HAND2: variants seen among roughly 807,000 people sequenced by gnomAD.
The protein encoded by HAND2 is heart and neural crest derivatives expressed 2.
In HAND2, 2 loss-of-function variants were observed where a neutral mutation model predicts 14.7. That is an observed-to-expected ratio of 0.14 (90% CI 0.06 to 0.43). HAND2 has a LOEUF of 0.43. HAND2 is among the 20% of genes least tolerant of loss of function. The pLI, the probability that HAND2 is intolerant of heterozygous loss-of-function variation, is 0.99. For missense variants in HAND2, 275 were observed against 313.6 expected (o/e 0.88, Z 0.93); for synonymous variants, 162 against 135.9 (o/e 1.19, Z -1.34).
In HAND2 at chr4:173,526,902, G is replaced by A. The variant is rs577670901; in HGVS notation, c.*375C>T. ...CTTCACAAACGCACTAGTGCCCACTGTCTTTATCTGGAAGGGGTTGAGTAG... is the reference window on the plus strand; with the variant it reads ...CTTCACAAACGCACTAGTGCCCACTATCTTTATCTGGAAGGGGTTGAGTAG... On this transcript the variant is annotated 3_prime_UTR_variant, in exon 2 of 2. Coordinates refer to ENST00000359562, the MANE Select transcript of HAND2 (RefSeq NM_021973.3). The A allele has an allele frequency of 9.6e-5, 47 of 489,236 alleles. No homozygotes were observed. Among genetic ancestry groups the A allele is most frequent in the African/African-American group, 7.4e-4 (38 of 51,674 alleles). 30.3% of individuals were successfully genotyped at this position (489,236 alleles called of 1,614,324 possible).
chr4:173,527,020 G>A lies in HAND2; in HGVS notation c.*257C>T, dbSNP rs375061640. 9.3e-6 allele frequency: 6 copies of A among 647,406 alleles called. No individual in the cohort carries two copies. Among genetic ancestry groups the A allele is most frequent in the African/African-American group, 5.3e-5 (3 of 56,230 alleles). The allele number at this position is 647,406 out of a possible 1,614,324, so 40.1% of individuals were successfully genotyped here. On this transcript the variant is annotated 3_prime_UTR_variant, in exon 2 of 2. Coordinates refer to ENST00000359562, the MANE Select transcript of HAND2 (RefSeq NM_021973.3). ...GACGACGGGATCCCTTACCACACGGGAGTGTCCTCTTCGTATTAAAATATG... is the reference window on the plus strand; with the variant it reads ...GACGACGGGATCCCTTACCACACGGAAGTGTCCTCTTCGTATTAAAATATG...
At chr4:173,527,539 T>G in intron 1 of HAND2, 164 bp from the exon 2 acceptor site, 2 of 681,718 alleles carry the variant, frequency 2.9e-6, no homozygotes, top group Non-Finnish European at 5.3e-6. Flanking sequence ...CTACCAAGGT[T>G]AGCGCTACCC....
chr4:173,528,524 TC>T lies in HAND2; in HGVS notation c.555+210del. 1 of 615,172 alleles carries T rather than the reference TC, an allele frequency of 1.6e-6. No homozygotes were observed. Among genetic ancestry groups the T allele is most frequent in the Non-Finnish European group, 2.9e-6 (1 of 347,122 alleles). 38.1% of individuals were successfully genotyped at this position (615,172 alleles called of 1,614,324 possible). On this transcript the variant is annotated intron_variant, in intron 1 of 1. Coordinates refer to ENST00000359562, the MANE Select transcript of HAND2 (RefSeq NM_021973.3). This position sits in a 1 kb window ranked among gnomAD's most constrained non-coding sequence, Gnocchi z 5.6. ...GAGGTAAGATCACCAGCGCAAAGCATCCCTAACCTTCTCCTCCTCCTGCTGA... is the reference window on the plus strand; with the variant it reads ...GAGGTAAGATCACCAGCGCAAAGCATCCTAACCTTCTCCTCCTCCTGCTGA...
In HAND2 at chr4:173,529,770, C is replaced by T. The variant is rs1338230494; in HGVS notation, c.-481G>A. On this transcript the variant is annotated 5_prime_UTR_variant, in exon 1 of 2. Transcript: ENST00000359562. ...CCGGAATCCAGGGGCGAGTCTGAGC[C>T]GCGGCTGGAGGAGCCGGTCCAGCTG... 1.3e-5 allele frequency: 2 copies of T among 152,074 alleles called. No individual in the cohort carries two copies. The highest frequency in any genetic ancestry group is 2.9e-5 in the Non-Finnish European group (2 of 68,072). 9.4% of individuals were successfully genotyped at this position (152,074 alleles called of 1,614,324 possible).
chr4:173,529,993 G>C lies in HAND2; in HGVS notation c.-704C>G, dbSNP rs992727959. ...AGTAACGTGTCCTCGCTCCTCTCGC[G>C]CTCTCTCGGAGGGTTTTCAGAGAGG... On this transcript the variant is annotated 5_prime_UTR_variant, in exon 1 of 2. Coordinates refer to ENST00000359562, the MANE Select transcript of HAND2 (RefSeq NM_021973.3). The C allele has an allele frequency of 6.6e-6, 1 of 152,068 alleles. No homozygotes were observed. The highest frequency in any genetic ancestry group is 2.4e-5 in the African/African-American group (1 of 41,408). The allele number at this position is 152,068 out of a possible 1,614,324, so 9.4% of individuals were successfully genotyped here.
At position 173,528,936 on chromosome 4, in the gene HAND2, G is replaced by T; in HGVS notation, c.354C>A (p.Ala118=). ...ERRRTQSINS[A]FAELRECIPN... is the part of the protein sequence containing the mutation. ...GGATGCACTCGCGCAGTTCGGCGAAGGCGCTGTTGATGCTCTGAGTCCTGC... is the reference window on the plus strand; with the variant it reads ...GGATGCACTCGCGCAGTTCGGCGAATGCGCTGTTGATGCTCTGAGTCCTGC... Residue 118 remains alanine (A), a synonymous_variant, in exon 1 of 2, where the codon GCC becomes GCA. Transcript: ENST00000359562. The surrounding 1 kb of genome is among the most constrained non-coding windows in gnomAD (Gnocchi z 5.6). The T allele has an allele frequency of 6.2e-7, 1 of 1,614,034 alleles. No individual in the cohort carries two copies. The highest frequency in any genetic ancestry group is 1.1e-5 in the South Asian group (1 of 91,080).
rs751537957 is a variant in HAND2, at chr4:173,527,267, C to A, written c.*10G>T. 57 of 1,587,580 alleles carry A rather than the reference C, an allele frequency of 3.6e-5. No homozygotes were observed. The highest frequency in any genetic ancestry group is 4.7e-5 in the Non-Finnish European group (54 of 1,159,008). ...CACTCGCGCTCTCCTCCTCCTCCTT[C>A]TCCTCCTCCTCACTGCTTGAGCTCC... On this transcript the variant is annotated 3_prime_UTR_variant, in exon 2 of 2. Transcript: ENST00000359562.
Position 173,530,000 on chromosome 4 carries a change from C to A in HAND2, c.-711G>T, listed in dbSNP as rs1560886859. Reference sequence around the variant, plus strand: ...TGTCCTCGCTCCTCTCGCGCTCTCTCGGAGGGTTTTCAGAGAGGTCTCAGT... The same window carrying A: ...TGTCCTCGCTCCTCTCGCGCTCTCTAGGAGGGTTTTCAGAGAGGTCTCAGT... On this transcript the variant is annotated 5_prime_UTR_variant, in exon 1 of 2. Coordinates refer to ENST00000359562, the MANE Select transcript of HAND2 (RefSeq NM_021973.3). 2 of 152,150 alleles carry A rather than the reference C, an allele frequency of 1.3e-5. No individual in the cohort carries two copies. The highest frequency in any genetic ancestry group is 2.9e-5 in the Non-Finnish European group (2 of 68,036). 9.4% of individuals were successfully genotyped at this position (152,150 alleles called of 1,614,324 possible).
rs758127022 is a variant in HAND2 at position 173,529,075 on chromosome 4, G to A, written c.215C>T (p.Ala72Val). Residue 72 changes from alanine to valine, a missense_variant, in exon 1 of 2, where the codon GCC becomes GTC. This residue lies in a region of HAND2 where 175 missense variants were observed against 157.1 expected (regional missense o/e 1.11). Transcript: ENST00000359562. ...LSYSPEYASG[A>V]AGLDHSHYGG... ...GTAATGGGAGTGGTCCAGGCCGGCG[G>A]CGCCGCTGGCATACTCGGGGCTGTA... 8 of 1,505,176 alleles carry A rather than the reference G, an allele frequency of 5.3e-6. 1 individual carries two copies. The East Asian group carries it at 1.5e-4, about 27-fold the overall frequency. The allele number at this position is 1,505,176 out of a possible 1,614,324, so 93.2% of individuals were successfully genotyped here.
At position 173,528,571 on chromosome 4, in the gene HAND2, G is replaced by T; in HGVS notation, c.555+164C>A. On this transcript the variant is annotated intron_variant, in intron 1 of 1. Transcript: ENST00000359562. The surrounding 1 kb of genome is among the most constrained non-coding windows in gnomAD (Gnocchi z 5.6). ...GCTGACACCCTCCCCTCAACTCTCT[G>T]CTTATGCCGGAAGCCATCCTTACAC... The T allele has an allele frequency of 1.3e-6, 1 of 791,956 alleles. No individual in the cohort carries two copies. Among genetic ancestry groups the T allele is most frequent in the Non-Finnish European group, 2.0e-6 (1 of 487,934 alleles). 49.1% of individuals were successfully genotyped at this position (791,956 alleles called of 1,614,324 possible). A position where few individuals can be genotyped will look rare whatever the true frequency, so the allele number is the denominator to read the frequency against.
At position 173,529,063 on chromosome 4, in the gene HAND2, T is replaced by C. The variant is rs2110906339; in HGVS notation, c.227A>G (p.Asp76Gly). The change falls in exon 1 of 2, where the codon GAC becomes GGC. Residue 76 changes from aspartate to glycine, a missense_variant. By Grantham distance (94) the Asp-to-Gly change is moderately conservative. This residue lies in a region of HAND2 where 175 missense variants were observed against 157.1 expected (regional missense o/e 1.11). Transcript: ENST00000359562. ...PEYASGAAGL[D>G]HSHYGGVPPG... is the part of the protein sequence containing the mutation. Reference sequence around the variant, plus strand: ...CGGCACCCCCCCGTAATGGGAGTGGTCCAGGCCGGCGGCGCCGCTGGCATA... The same window carrying C: ...CGGCACCCCCCCGTAATGGGAGTGGCCCAGGCCGGCGGCGCCGCTGGCATA... 6.7e-7 allele frequency: 1 copy of C among 1,498,274 alleles called. No homozygotes were observed. Among genetic ancestry groups the C allele is most frequent in the Non-Finnish European group, 8.8e-7 (1 of 1,134,762 alleles). 92.8% of individuals were successfully genotyped at this position (1,498,274 alleles called of 1,614,324 possible).
intron 1 of HAND2, chr4:173,527,642 G>A (rs2110903388): frequency 4.1e-6 from 2 of 492,672 alleles, no homozygotes; most frequent in East Asian, 3.6e-5. Context: ...TTATGGAGGA[G>A]CGGGGGGCCT....
Position 173,529,324 on chromosome 4 carries a change from G to T in HAND2, c.-35C>A. 5 of 1,282,882 alleles carry T rather than the reference G, an allele frequency of 3.9e-6. No individual in the cohort carries two copies. 79.5% of individuals were successfully genotyped at this position (1,282,882 alleles called of 1,614,324 possible). ...CGCGCCCCTCCACGCGCCCCAGCGT[G>T]CGCGCAGCCCCGCCGCGCCCTCGGC... is the stretch of plus-strand genomic sequence containing the variant. On this transcript the variant is annotated 5_prime_UTR_variant, in exon 1 of 2. Coordinates refer to ENST00000359562, the MANE Select transcript of HAND2 (RefSeq NM_021973.3).
chr4:173,528,579 C>T lies in HAND2; in HGVS notation c.555+156G>A. On this transcript the variant is annotated intron_variant, in intron 1 of 1. Coordinates refer to ENST00000359562, the MANE Select transcript of HAND2 (RefSeq NM_021973.3). This position sits in a 1 kb window ranked among gnomAD's most constrained non-coding sequence, Gnocchi z 5.6. ...CCTCCCCTCAACTCTCTGCTTATGC[C>T]GGAAGCCATCCTTACACAACCTGGT... is the stretch of plus-strand genomic sequence containing the variant. The T allele has an allele frequency of 1.3e-5, 11 of 850,374 alleles. No homozygotes were observed. Among genetic ancestry groups the T allele is most frequent in the Non-Finnish European group, 2.0e-5 (11 of 538,758 alleles). 52.7% of individuals were successfully genotyped at this position (850,374 alleles called of 1,614,324 possible). A position where few individuals can be genotyped will look rare whatever the true frequency, so the allele number is the denominator to read the frequency against.
Position 173,529,874 on chromosome 4 carries a change from C to T in HAND2, c.-585G>A. ...CTCCCCTTCCCGCCTCTTCCCCTCC[C>T]CCCACCAGCCCGATCTGGGTTCTTG... On this transcript the variant is annotated 5_prime_UTR_variant, in exon 1 of 2. Coordinates refer to ENST00000359562, the MANE Select transcript of HAND2 (RefSeq NM_021973.3). The T allele has an allele frequency of 6.6e-6, 1 of 152,412 alleles. No homozygotes were observed. The highest frequency in any genetic ancestry group is 1.5e-5 in the Non-Finnish European group (1 of 68,150). 9.4% of individuals were successfully genotyped at this position (152,412 alleles called of 1,614,324 possible).
Position 173,527,213 on chromosome 4 carries a change from G to T in HAND2, c.*64C>A. The T allele has an allele frequency of 9.3e-7, 1 of 1,078,206 alleles. No homozygotes were observed. Among genetic ancestry groups the T allele is most frequent in the Non-Finnish European group, 1.4e-6 (1 of 699,802 alleles). The allele number at this position is 1,078,206 out of a possible 1,614,324, so 66.8% of individuals were successfully genotyped here. On this transcript the variant is annotated 3_prime_UTR_variant, in exon 2 of 2. Transcript: ENST00000359562. ...CGCGGACGGCTTTTCCGGAGTCCTG[G>T]GTCTGCATCTGGCGCCTTGGCCCCT...
Position 173,527,052 on chromosome 4 carries a change from T to A in HAND2, c.*225A>T. 1.4e-6 allele frequency: 1 copy of A among 689,844 alleles called. No individual in the cohort carries two copies. The highest frequency in any genetic ancestry group is 2.7e-6 in the Non-Finnish European group (1 of 377,258). 42.7% of individuals were successfully genotyped at this position (689,844 alleles called of 1,614,324 possible). On this transcript the variant is annotated 3_prime_UTR_variant, in exon 2 of 2. Coordinates refer to ENST00000359562, the MANE Select transcript of HAND2 (RefSeq NM_021973.3). ...CTCTTCGTATTAAAATATGGAATGC[T>A]TTTCTTCAAATATCCACTTTTTTTT...
rs756945261 is a variant in HAND2 at position 173,529,193 on chromosome 4, TGGC to T, written c.94_96del (p.Ala32del). 176 of 1,436,384 alleles carry T rather than the reference TGGC, an allele frequency of 1.2e-4. No homozygotes were observed. The highest frequency in any genetic ancestry group is 7.6e-4 in the South Asian group (48 of 62,976). The allele number at this position is 1,436,384 out of a possible 1,614,324, so 89.0% of individuals were successfully genotyped here. A position where few individuals can be genotyped will look rare whatever the true frequency, so the allele number is the denominator to read the frequency against. On this transcript the variant is annotated inframe_deletion, in exon 1 of 2. Transcript: ENST00000359562. ...GGGTTCTCCTCATGGCTGCAGCGGC[TGGC>T]GGCGGCGGCGGCAGCTGCGGCGGCG... is the stretch of plus-strand genomic sequence containing the variant.
rs1485742890 is a variant in HAND2, at chr4:173,529,044, C to A, written c.246G>T (p.Gly82=). The A allele has an allele frequency of 1.3e-6, 2 of 1,497,730 alleles. No individual in the cohort carries two copies. Among genetic ancestry groups the A allele is most frequent in the Non-Finnish European group, 1.8e-6 (2 of 1,132,508 alleles). The allele number at this position is 1,497,730 out of a possible 1,614,324, so 92.8% of individuals were successfully genotyped here. A position where few individuals can be genotyped will look rare whatever the true frequency, so the allele number is the denominator to read the frequency against. The change falls in exon 1 of 2, where the codon GGG becomes GGT. Residue 82 remains glycine, a synonymous_variant. Transcript: ENST00000359562. ...AAGLDHSHYG[G]VPPGAGPPGL... is the part of the protein sequence containing the mutation. The stretch of plus-strand genomic sequence containing the variant: ...CCGGGGGCCCGGCGCCCGGCGGCAC[C>A]CCCCCGTAATGGGAGTGGTCCAGGC...
Sources: allele counts gnomAD v4.1 joint callset, GRCh38; gene constraint gnomAD v4.1.1; regional missense constraint gnomAD v4.1.1; non-coding constraint Gnocchi (gnomAD v3.1); transcripts MANE v1.5; gene names NCBI Gene and HGNC (gene_info 2026-07-23, HGNC 2026-07-21).